The following CSTPP1 variants were observed in gnomAD, a reference collection of about 807,000 sequenced individuals.
CSTPP1 encodes the protein centriolar satellite-associated tubulin polyglutamylase complex regulator 1, also known as UPF0705 protein C11orf49.
chr11:47,014,833 T>A, the CSTPP1 span, among the ~76,000 whole-genome samples: 1 of 150,196 alleles, frequency 6.7e-6, no homozygotes, highest in African/African-American at 2.5e-5. Flanking sequence ...AATTTAAAAG[T>A]TAGGGGGGAA....
At chr11:47,080,513 TA>T in the CSTPP1 span, among the ~76,000 whole-genome samples, 1 of 151,958 alleles carries the variant, frequency 6.6e-6, no homozygotes, top group Admixed American at 6.6e-5. Flanking sequence ...TTTCTGAAAA[TA>T]ACCAGTCAAT....
chr11:46,955,818 C>T, the CSTPP1 span, among the ~76,000 whole-genome samples: 6 of 151,796 alleles, frequency 4.0e-5, no homozygotes, highest in Non-Finnish European at 5.9e-5. Flanking sequence ...ACGGTGAAAC[C>T]CCGTCTCTAC....
At chr11:47,110,379 A>C in the CSTPP1 span, among the ~76,000 whole-genome samples, 1 of 152,234 alleles carries the variant, frequency 6.6e-6, no homozygotes, top group African/African-American at 2.4e-5. Flanking sequence ...GGAAATAGTA[A>C]AGGCAGACAG....
chr11:46,973,973 C>T, the CSTPP1 span, among the ~76,000 whole-genome samples: 1 of 152,114 alleles, frequency 6.6e-6, no homozygotes, highest in Admixed American at 6.6e-5. Context: ...ACCTGTAATC[C>T]CAGTGCTTTG....
At chr11:47,148,656 C>T in the CSTPP1 span, among the ~76,000 whole-genome samples, 1 of 152,212 alleles carries the variant, frequency 6.6e-6, no homozygotes, top group Non-Finnish European at 1.5e-5. Flanking sequence ...CTTTTGGGCT[C>T]TCCCAGCACT....
chr11:47,146,146 T>C, the CSTPP1 span, among the ~76,000 whole-genome samples: 43 of 152,130 alleles, frequency 2.8e-4, no homozygotes, highest in African/African-American at 1.0e-3. Context: ...GTGGATCACC[T>C]GAAGTCAGGA....
the CSTPP1 span, among the ~76,000 whole-genome samples, chr11:46,971,194 G>A: frequency 6.6e-6 from 1 of 152,120 alleles, no homozygotes; most frequent in Non-Finnish European, 1.5e-5. Flanking sequence ...CTCCTGTATT[G>A]TTCTGTTTCA....
chr11:47,039,222 G>A, the CSTPP1 span, among the ~76,000 whole-genome samples: 1 of 128,012 alleles, frequency 7.8e-6, no homozygotes, highest in East Asian at 2.1e-4. Flanking sequence ...CATTGAGCAC[G>A]GAGTGAATGA....
the CSTPP1 span, chr11:46,936,751 A>T: frequency 3.7e-6 from 6 of 1,603,406 alleles, no homozygotes; most frequent in East Asian, 6.9e-5. Context: ...GAGAGACGGC[A>T]ACCTGGGTTC....
chr11:46,979,874 C>T, the CSTPP1 span, among the ~76,000 whole-genome samples: 1 of 152,130 alleles, frequency 6.6e-6, no homozygotes, highest in Non-Finnish European at 1.5e-5. Context: ...GATCACGCCA[C>T]TACACTCCAG....
At chr11:47,036,034 G>GATATATAGATAT in the CSTPP1 span, among the ~76,000 whole-genome samples, 2 of 25,394 alleles carry the variant, frequency 7.9e-5, 1 homozygote, top group Non-Finnish European at 1.4e-4. Flanking sequence ...GGAGTGAAAA[G>GATATATAGATAT]ATATATATAT....
chr11:46,975,970 A>G, the CSTPP1 span, among the ~76,000 whole-genome samples: 1 of 152,164 alleles, frequency 6.6e-6, no homozygotes, highest in South Asian at 2.1e-4. Context: ...TTCAATGGAA[A>G]TTGAGGAAGA....
the CSTPP1 span, among the ~76,000 whole-genome samples, chr11:47,033,838 CT>C: frequency 3.9e-5 from 6 of 152,130 alleles, no homozygotes; most frequent in African/African-American, 1.4e-4. Flanking sequence ...TTATAACCCC[CT>C]GACTTAGGGG....
At chr11:47,061,802 T>G in the CSTPP1 span, among the ~76,000 whole-genome samples, 1 of 152,198 alleles carries the variant, frequency 6.6e-6, no homozygotes, top group Non-Finnish European at 1.5e-5. Context: ...CCTTTGTTTT[T>G]CATGTTTATT....
chr11:46,971,914 C>G, the CSTPP1 span, among the ~76,000 whole-genome samples: 3 of 152,146 alleles, frequency 2.0e-5, no homozygotes, highest in South Asian at 6.2e-4. Flanking sequence ...TGCCACTGCA[C>G]TTCAGCAAGC....
At chr11:47,149,136 C>T in the CSTPP1 span, among the ~76,000 whole-genome samples, 1 of 152,210 alleles carries the variant, frequency 6.6e-6, no homozygotes, top group Non-Finnish European at 1.5e-5. Flanking sequence ...CTGTCCTAGG[C>T]TCCACCCCAC....
the CSTPP1 span, among the ~76,000 whole-genome samples, chr11:46,984,504 G>C: frequency 6.6e-6 from 1 of 152,044 alleles, no homozygotes; most frequent in African/African-American, 2.4e-5. Context: ...GTAGATTAAT[G>C]TTAAACATGC....
the CSTPP1 span, among the ~76,000 whole-genome samples, chr11:47,092,773 G>C: frequency 6.6e-6 from 1 of 152,148 alleles, no homozygotes; most frequent in Non-Finnish European, 1.5e-5. Flanking sequence ...CATCCAGTCA[G>C]GGTTTACACA....
At chr11:47,046,900 T>A in the CSTPP1 span, among the ~76,000 whole-genome samples, 1 of 146,764 alleles carries the variant, frequency 6.8e-6, no homozygotes, top group African/African-American at 2.5e-5. Context: ...ACACAATTTC[T>A]TTTCTTTTTT....
Sources: allele counts gnomAD v4.1 joint callset (sites outside exome capture counted in the v4.1 genomes callset), GRCh38; gene constraint gnomAD v4.1.1; transcripts MANE v1.5; gene names NCBI Gene and HGNC (gene_info 2026-07-23, HGNC 2026-07-21).